The following IQCM variants were observed in gnomAD, a reference collection of about 807,000 sequenced individuals.
The protein encoded by IQCM is IQ domain-containing protein M.
A neutral mutation model predicts 57.6 loss-of-function variants in IQCM; 45 were observed. The observed-to-expected ratio is 0.78, with a 90% CI of 0.62 to 1.00. The LOEUF (loss-of-function observed/expected upper bound fraction) is 1.00, where lower values mean the gene tolerates loss of function less well. Ranked by LOEUF, IQCM falls within the 50% of genes least tolerant of loss-of-function variation. The pLI, the probability that IQCM is intolerant of heterozygous loss-of-function variation, is 0.00. For synonymous variants in IQCM, 148 were observed against 158.9 expected (o/e 0.93, Z 0.51); for missense variants, 468 against 511.6 (o/e 0.91, Z 0.82).
chr4:149,562,923 G>A (rs1560995046), intron 10 of IQCM, among the ~76,000 whole-genome samples: 1 of 152,104 alleles, frequency 6.6e-6, no homozygotes. Context: ...CAAGGAATTG[G>A]AGTGGGCACT....
intron 5 of IQCM, among the ~76,000 whole-genome samples, chr4:149,716,135 C>T (rs545487810): frequency 6.6e-6 from 1 of 152,312 alleles, no homozygotes; most frequent in South Asian, 2.1e-4. Context: ...CTGCCATCAA[C>T]CTGCCATCTA....
At position 149,663,586 on chromosome 4, in the gene IQCM, G is replaced by A. The variant is rs555156067; in HGVS notation, c.565+18532C>T. On this transcript the variant is annotated intron_variant, in intron 7 of 13. Coordinates refer to ENST00000636793, the MANE Select transcript of IQCM (RefSeq NM_001363507.2). ...ATATTATTTCTCCTTTATTTCTAAAGGAAACCTTTGCTAGGTATAGTATTC... is the reference window on the plus strand; with the variant it reads ...ATATTATTTCTCCTTTATTTCTAAAAGAAACCTTTGCTAGGTATAGTATTC... Among the ~76,000 whole-genome samples, 82 of 151,968 alleles carry A rather than the reference G, an allele frequency of 5.4e-4. 1 individual carries two copies. The South Asian group carries it at 0.015, about 28-fold the overall frequency.
rs183941839 is a variant in IQCM at position 149,721,265 on chromosome 4, C to T, written c.385+11979G>A. Among the ~76,000 whole-genome samples the T allele has an allele frequency of 1.3e-3, 204 of 152,064 alleles. 2 individuals are homozygous for T. Among genetic ancestry groups the T allele is most frequent in the Non-Finnish European group, 7.8e-4 (53 of 67,926 alleles). ...TATGTGCTTAAGTTATATGCAAATA[C>T]GCCATTTTCATTTTTTTCTTTTATT... On this transcript the variant is annotated intron_variant, in intron 5 of 13. Transcript: ENST00000636793.
At chr4:149,473,815 G>A (rs906576297) in intron 12 of IQCM, among the ~76,000 whole-genome samples, 8 of 152,192 alleles carry the variant, frequency 5.3e-5, no homozygotes, top group African/African-American at 1.9e-4. Context: ...ATGAGTTCAT[G>A]TCCTTTGTAG....
chr4:149,389,527 C>T (rs1731691684), intron 13 of IQCM, among the ~76,000 whole-genome samples: 3 of 151,464 alleles, frequency 2.0e-5, no homozygotes, highest in African/African-American at 7.3e-5. Flanking sequence ...ACTATGCAGC[C>T]ATAAAAAATG....
At position 149,732,410 on chromosome 4, in the gene IQCM, T is replaced by C. The variant is rs189086064; in HGVS notation, c.385+834A>G. Reference sequence around the variant, plus strand: ...ATAAATTTTCAGGAGAAATCTCTTCTGGCCTTTGGTTGGTTGCTCCTCAGT... The same window carrying C: ...ATAAATTTTCAGGAGAAATCTCTTCCGGCCTTTGGTTGGTTGCTCCTCAGT... On this transcript the variant is annotated intron_variant, in intron 5 of 13. Transcript: ENST00000636793. Among the ~76,000 whole-genome samples, 409 of 152,298 alleles carry C rather than the reference T, an allele frequency of 2.7e-3. 1 individual carries two copies. Among genetic ancestry groups the C allele is most frequent in the Middle Eastern group, 0.01 (3 of 294 alleles).
intron 13 of IQCM, among the ~76,000 whole-genome samples, chr4:149,376,748 T>C (rs1730726129): frequency 6.6e-6 from 1 of 152,156 alleles, no homozygotes; most frequent in South Asian, 2.1e-4. Context: ...ATTAAACATA[T>C]TTTTTGGGTC....
In IQCM at chr4:149,733,312, A is replaced by AT; in HGVS notation, c.316dup (p.Ile106AsnfsTer10). 8.1e-7 allele frequency: 1 copy of AT among 1,231,190 alleles called. No homozygotes were observed. The highest frequency in any genetic ancestry group is 1.0e-6 in the Non-Finnish European group (1 of 987,700). 76.3% of individuals were successfully genotyped at this position (1,231,190 alleles called of 1,614,324 possible). A position where few individuals can be genotyped will look rare whatever the true frequency, so the allele number is the denominator to read the frequency against. Reference sequence around the variant, plus strand: ...AAAAATGTGTGGTTCCTTGAAGGAGATTCGTTGTGGGGGTTCCTGAAGATG... The same window carrying AT: ...AAAAATGTGTGGTTCCTTGAAGGAGATTTCGTTGTGGGGGTTCCTGAAGATG... On this transcript the variant is annotated frameshift_variant, in exon 5 of 14. Coordinates refer to ENST00000636793, the MANE Select transcript of IQCM (RefSeq NM_001363507.2). LOFTEE classifies it high-confidence loss of function.
chr4:149,548,518 T>C lies in IQCM; in HGVS notation c.1165A>G (p.Ser389Gly), dbSNP rs1748685220. ...TGAGTTGGGAAATGACCACAGTCACTGAAGAAATTGGGGAGCTCATTTCTT... is the reference window on the plus strand; with the variant it reads ...TGAGTTGGGAAATGACCACAGTCACCGAAGAAATTGGGGAGCTCATTTCTT... Reference protein sequence around the residue: ...IERNELPNFFSDCGHFPTQKQ... With the variant: ...IERNELPNFFGDCGHFPTQKQ... Residue 389 changes from serine (S) to glycine (G), a missense_variant, in exon 12 of 14, where the codon AGT (serine) becomes GGT (glycine). By Grantham distance (56) the Ser-to-Gly change is moderately conservative (BLOSUM62 0). Coordinates refer to ENST00000636793, the MANE Select transcript of IQCM (RefSeq NM_001363507.2). 5 of 1,231,718 alleles carry C rather than the reference T, an allele frequency of 4.1e-6. No homozygotes were observed. Among genetic ancestry groups the C allele is most frequent in the Admixed American group, 4.2e-5 (1 of 23,714 alleles). The allele number at this position is 1,231,718 out of a possible 1,614,324, so 76.3% of individuals were successfully genotyped here.
chr4:149,710,775 G>A (rs1202763999), intron 5 of IQCM, among the ~76,000 whole-genome samples: 1 of 151,998 alleles, frequency 6.6e-6, no homozygotes, highest in East Asian at 1.9e-4. Context: ...ATACACTTAG[G>A]TGCCATTTCT....
intron 13 of IQCM, among the ~76,000 whole-genome samples, chr4:149,398,501 A>G (rs570626942): frequency 4.6e-5 from 7 of 152,104 alleles, no homozygotes; most frequent in African/African-American, 1.7e-4. Flanking sequence ...TGAACACAGG[A>G]TGTGTTTCTA....
intron 8 of IQCM, among the ~76,000 whole-genome samples, chr4:149,599,920 A>G (rs993533835): frequency 6.6e-6 from 1 of 152,156 alleles, no homozygotes; most frequent in African/African-American, 2.4e-5. Context: ...TCCATTTTAT[A>G]ATTTGGGGGC....
intron 11 of IQCM, among the ~76,000 whole-genome samples, chr4:149,551,774 G>A (rs193114966): frequency 2.6e-5 from 4 of 151,990 alleles, no homozygotes; most frequent in African/African-American, 4.8e-5. Flanking sequence ...GAGAGTTTAC[G>A]GGCAAAAGTC....
intron 12 of IQCM, among the ~76,000 whole-genome samples, chr4:149,519,874 G>A (rs1475787629): frequency 2.0e-5 from 3 of 151,830 alleles, no homozygotes; most frequent in Non-Finnish European, 4.4e-5. Flanking sequence ...GCGTGGTGGC[G>A]GGTGCCTGTA....
At chr4:149,652,601 G>T (rs999525380) in intron 7 of IQCM, among the ~76,000 whole-genome samples, 1 of 151,718 alleles carries the variant, frequency 6.6e-6, no homozygotes. Context: ...TAGAAAGTAC[G>T]ACTTGAGCCA....
At chr4:149,381,720 AGTATGTATGTATGTATGTATGTATGTAT>A (rs60955059) in intron 13 of IQCM, among the ~76,000 whole-genome samples, 1 of 146,494 alleles carries the variant, frequency 6.8e-6, no homozygotes, top group Admixed American at 6.9e-5. Context: ...TTTCCCCCAT[AGTATGTATGTATGTATGTATGTATGTAT>A]GTATGTATGT....
chr4:149,493,984 C>T (rs1212319302), intron 12 of IQCM, among the ~76,000 whole-genome samples: 1 of 150,048 alleles, frequency 6.7e-6, no homozygotes, highest in East Asian at 2.0e-4. Flanking sequence ...CTTTGTGGTA[C>T]AAAAATTAGG....
intron 9 of IQCM, among the ~76,000 whole-genome samples, chr4:149,581,909 C>CTG (rs1292281402): frequency 4.0e-5 from 6 of 151,184 alleles, no homozygotes; most frequent in Admixed American, 1.3e-4. Flanking sequence ...CAGAATATTT[C>CTG]TGTGTGTGTG....
At chr4:149,606,342 G>A (rs1275396054) in intron 8 of IQCM, among the ~76,000 whole-genome samples, 2 of 152,120 alleles carry the variant, frequency 1.3e-5, no homozygotes, top group Non-Finnish European at 2.9e-5. Context: ...CAGGAACACT[G>A]GTGTACCATA....
Sources: gnomAD v4.1 joint callset for allele counts (sites outside exome capture counted in the v4.1 genomes callset) on GRCh38, gnomAD v4.1.1 for gene constraint, MANE v1.5 for transcripts, NCBI Gene and HGNC (gene_info 2026-07-23, HGNC 2026-07-21) for gene names.